The following SLC24A2 variants were observed in gnomAD, a reference collection of about 807,000 sequenced individuals.
SLC24A2 encodes the protein solute carrier family 24 member 2, also known as sodium/potassium/calcium exchanger 2.
Under a neutral mutation model 62.0 loss-of-function variants are expected in SLC24A2, and 36 were observed. The observed-to-expected ratio is 0.58, with a 90% CI of 0.44 to 0.77. The LOEUF is 0.77. Among genes scored for constraint, SLC24A2 ranks in the 30% least tolerant of loss-of-function variants. The probability of loss-of-function intolerance (pLI) is 0.00; values close to 1 mark genes in which losing one functional copy is unlikely to be tolerated. For synonymous variants in SLC24A2, 358 were observed against 294.0 expected (o/e 1.22, Z -2.23); for missense variants, 846 against 817.9 (o/e 1.03, Z -0.42).
At chr9:19,795,516 C>A in the SLC24A2 span, among the ~76,000 whole-genome samples, 1 of 152,156 alleles carries the variant, frequency 6.6e-6, no homozygotes, top group South Asian at 2.1e-4. Context: ...GAAACTTCTG[C>A]TTTCTGGTCT....
chr9:19,900,491 A>T, the SLC24A2 span, among the ~76,000 whole-genome samples: 1 of 152,184 alleles, frequency 6.6e-6, no homozygotes, highest in African/African-American at 2.4e-5. Context: ...GGCATCAGGC[A>T]GGCCTGAGTC....
chr9:19,662,307 G>C (rs1373986457), intron 2 of SLC24A2, among the ~76,000 whole-genome samples: 1 of 152,194 alleles, frequency 6.6e-6, no homozygotes, highest in African/African-American at 2.4e-5. Context: ...AAACCAGAGT[G>C]TGTGTTAATA....
intron 7 of SLC24A2, among the ~76,000 whole-genome samples, chr9:19,563,812 TCCTTCCTTCCTTCCTCCCTCCCTCCCTC>T (rs1563968767): frequency 1.0e-5 from 1 of 95,640 alleles, no homozygotes; most frequent in Non-Finnish European, 1.9e-5. Context: ...CTTCCTTCCT[TCCTTCCTTCCTTCCTCCCTCCCTCCCTC>T]CCTCCCTCCC....
the SLC24A2 span, among the ~76,000 whole-genome samples, chr9:19,825,352 A>G: frequency 6.6e-6 from 1 of 152,174 alleles, no homozygotes; most frequent in Non-Finnish European, 1.5e-5. Flanking sequence ...AGTGCTCACT[A>G]AGTGCCAGGT....
At chr9:19,656,967 T>C (rs1818960365) in intron 2 of SLC24A2, among the ~76,000 whole-genome samples, 1 of 152,216 alleles carries the variant, frequency 6.6e-6, no homozygotes, top group Non-Finnish European at 1.5e-5. Context: ...CAGAAGCTCC[T>C]GGGTACCTGC....
rs905146380 is a variant in SLC24A2 at position 19,508,405 on chromosome 9, A to G, written c.*7748T>C. ...TAAAATTGATGGGGTTGTCCAGTTT[A>G]GTACCCATGTTTACTCTATATGGAC... On this transcript the variant is annotated 3_prime_UTR_variant, in exon 11 of 11. Transcript: ENST00000341998. 7 of 152,300 alleles carry G rather than the reference A, an allele frequency of 4.6e-5. No homozygotes were observed. The highest frequency in any genetic ancestry group is 2.0e-4 in the Admixed American group (3 of 15,280). The allele number at this position is 152,300 out of a possible 1,614,324, so 9.4% of individuals were successfully genotyped here.
Position 19,508,494 on chromosome 9 carries a change from C to T in SLC24A2, c.*7659G>A, listed in dbSNP as rs1832591897. On this transcript the variant is annotated 3_prime_UTR_variant, in exon 11 of 11. Transcript: ENST00000341998. ...AAGTGCTTTTTAGTAATTACTTTTA[C>T]TCAAATTACATAAAAGGGCTGGGTA... 2 of 152,122 alleles carry T rather than the reference C, an allele frequency of 1.3e-5. No homozygotes were observed. 9.4% of individuals were successfully genotyped at this position (152,122 alleles called of 1,614,324 possible).
chr9:20,185,590 G>A, the SLC24A2 span, among the ~76,000 whole-genome samples: 4 of 151,038 alleles, frequency 2.6e-5, no homozygotes, highest in Admixed American at 6.6e-5. Context: ...GCGTGAACCC[G>A]GGAAGCAGAG....
the SLC24A2 span, among the ~76,000 whole-genome samples, chr9:20,075,015 T>C: frequency 1.3e-5 from 2 of 152,184 alleles, no homozygotes; most frequent in East Asian, 1.9e-4. Flanking sequence ...TGGAAATGTA[T>C]AAGCTCCATT....
At chr9:19,734,961 A>G (rs894643944) in intron 2 of SLC24A2, among the ~76,000 whole-genome samples, 15 of 152,108 alleles carry the variant, frequency 9.9e-5, no homozygotes, top group Non-Finnish European at 2.2e-4. Context: ...CAAGGACTTC[A>G]TGTCTAAAAC....
At chr9:19,577,155 A>G (rs573779596) in intron 5 of SLC24A2, 133 bp from the exon 6 acceptor site, 1 of 764,640 alleles carries the variant, frequency 1.3e-6, no homozygotes, top group South Asian at 1.4e-5. Flanking sequence ...ACCCCAATGC[A>G]CCAGGACCTT....
At chr9:20,083,857 C>G in the SLC24A2 span, among the ~76,000 whole-genome samples, 24 of 152,220 alleles carry the variant, frequency 1.6e-4, no homozygotes, top group Non-Finnish European at 2.4e-4. Context: ...TTCAGGCTCT[C>G]ATTACCTACC....
the SLC24A2 span, among the ~76,000 whole-genome samples, chr9:20,218,029 A>G: frequency 1.3e-5 from 2 of 152,178 alleles, no homozygotes; most frequent in African/African-American, 2.4e-5. Context: ...TTCTTTGGGT[A>G]TGATCTGTGG....
the SLC24A2 span, among the ~76,000 whole-genome samples, chr9:20,194,203 C>A: frequency 6.6e-6 from 1 of 151,732 alleles, no homozygotes; most frequent in African/African-American, 2.4e-5. Context: ...GTCATGAAAA[C>A]CAGAAATCAA....
At chr9:19,621,803 T>C (rs1416903941) in intron 3 of SLC24A2, among the ~76,000 whole-genome samples, 1 of 152,230 alleles carries the variant, frequency 6.6e-6, no homozygotes, top group Admixed American at 6.5e-5. Flanking sequence ...CATTCTTTTG[T>C]GTATTATATA....
intron 2 of SLC24A2, among the ~76,000 whole-genome samples, chr9:19,718,230 C>T (rs980477210): frequency 4.0e-5 from 6 of 150,230 alleles, no homozygotes; most frequent in Admixed American, 2.0e-4. Flanking sequence ...CTGCCTTGGC[C>T]TCCCAAAGTG....
chr9:19,823,023 T>G, the SLC24A2 span, among the ~76,000 whole-genome samples: 1 of 152,064 alleles, frequency 6.6e-6, no homozygotes, highest in East Asian at 1.9e-4. Flanking sequence ...CTTCCCCTCT[T>G]TAACAGGAAT....
the SLC24A2 span, among the ~76,000 whole-genome samples, chr9:19,795,316 G>C: frequency 7.4e-5 from 10 of 134,584 alleles, no homozygotes; most frequent in Non-Finnish European, 1.4e-4. Flanking sequence ...TAATAAGCCT[G>C]TTTGGGGTTC....
At chr9:20,249,477 G>A in the SLC24A2 span, among the ~76,000 whole-genome samples, 684 of 152,154 alleles carry the variant, frequency 4.5e-3, 3 homozygotes, top group Non-Finnish European at 7.2e-3. Flanking sequence ...AGACCAAGGC[G>A]GGTGGATCAC....
Sources: allele counts gnomAD v4.1 joint callset (sites outside exome capture counted in the v4.1 genomes callset), GRCh38; gene constraint gnomAD v4.1.1; transcripts MANE v1.5; gene names NCBI Gene and HGNC (gene_info 2026-07-23, HGNC 2026-07-21).